Variants in KIF13B observed in about 807,000 individuals in gnomAD.
KIF13B encodes kinesin-like protein KIF13B.
A neutral mutation model predicts 222.0 loss-of-function variants in KIF13B; 127 were observed. That is an observed-to-expected ratio of 0.57 (90% CI 0.50 to 0.66). KIF13B has a LOEUF of 0.66. Ranked by LOEUF, KIF13B falls within the 30% of genes least tolerant of loss-of-function variation. KIF13B has a pLI of 0.00. For missense variants in KIF13B, 2,173 were observed against 2,379.0 expected (o/e 0.91, Z 1.80); for synonymous variants, 976 against 919.0 (o/e 1.06, Z -1.12).
intron 2 of KIF13B, among the ~76,000 whole-genome samples, chr8:29,240,871 C>T (rs972536274): frequency 3.9e-5 from 6 of 152,240 alleles, no homozygotes; most frequent in African/African-American, 9.6e-5. Context: ...GAATGTAAAA[C>T]GGTGCGGCAG....
chr8:29,204,874 T>G (rs1813859374), intron 2 of KIF13B, among the ~76,000 whole-genome samples: 3 of 152,260 alleles, frequency 2.0e-5, no homozygotes, highest in Non-Finnish European at 4.4e-5. Flanking sequence ...ATCCCTATTT[T>G]CCATCGTGTT....
chr8:29,226,588 G>A (rs976088091), intron 2 of KIF13B, among the ~76,000 whole-genome samples: 2 of 152,164 alleles, frequency 1.3e-5, no homozygotes, highest in African/African-American at 4.8e-5. Context: ...CCCAGGAGAG[G>A]TGTCTCTTTA....
At chr8:29,172,320 GATCCGCCTGCCTCGGCCTCCCA>G (rs1166602541) in intron 10 of KIF13B, among the ~76,000 whole-genome samples, 1 of 151,746 alleles carries the variant, frequency 6.6e-6, no homozygotes, top group African/African-American at 2.4e-5. Context: ...CTGACCTGGC[GATCCGCCTGCCTCGGCCTCCCA>G]GAGTGCAGGG....
chr8:29,107,857 G>C (rs1233459584), intron 35 of KIF13B, among the ~76,000 whole-genome samples: 5 of 152,262 alleles, frequency 3.3e-5, no homozygotes, highest in Admixed American at 2.0e-4. Context: ...ACTGCGCCCA[G>C]CCTGAAGTTT....
rs116452692 is a variant in KIF13B at position 29,110,170 on chromosome 8, C to T, written c.3931-100G>A. 413 of 1,038,244 alleles carry T rather than the reference C, an allele frequency of 4.0e-4. 1 individual carries two copies. In the African/African-American group the frequency reaches 5.3e-3, roughly 13 times the overall value. The allele number at this position is 1,038,244 out of a possible 1,614,324, so 64.3% of individuals were successfully genotyped here. A position where few individuals can be genotyped will look rare whatever the true frequency, so the allele number is the denominator to read the frequency against. ...ACACACAGAACGTATTCCAAAATTC[C>T]ATTTTAAAGTCAGCTTTGGAACGCC... On this transcript the variant is annotated intron_variant, in intron 32 of 39. Transcript: ENST00000524189.
At chr8:29,256,721 C>T (rs1190475431) in intron 1 of KIF13B, among the ~76,000 whole-genome samples, 2 of 151,964 alleles carry the variant, frequency 1.3e-5, no homozygotes, top group African/African-American at 4.8e-5. Flanking sequence ...TGAGGTTCTG[C>T]TACATAGAAA....
intron 12 of KIF13B, among the ~76,000 whole-genome samples, chr8:29,165,082 A>C (rs1401496797): frequency 6.6e-6 from 1 of 152,196 alleles, no homozygotes; most frequent in Admixed American, 6.5e-5. Flanking sequence ...TCCTGACCTC[A>C]GGTGATCCAC....
chr8:29,171,014 A>G (rs903380446), intron 10 of KIF13B, among the ~76,000 whole-genome samples: 1 of 152,224 alleles, frequency 6.6e-6, no homozygotes, highest in African/African-American at 2.4e-5. Flanking sequence ...AGATGTTGCA[A>G]CCTAACCATG....
rs536487048 is a variant in KIF13B, at chr8:29,127,758, C to T, written c.3076-490G>A. 4.4e-4 allele frequency among the ~76,000 whole-genome samples: 67 copies of T among 152,254 alleles called. 1 individual carries two copies. Among genetic ancestry groups the T allele is most frequent in the African/African-American group, 1.4e-3 (59 of 41,562 alleles). ...CAATTTGACTTAAAAATATAAGTTC[C>T]TTTAACCCAGCAATTCAACTTTCCA... is the stretch of plus-strand genomic sequence containing the variant. On this transcript the variant is annotated intron_variant, in intron 24 of 39. Transcript: ENST00000524189.
At chr8:29,174,369 A>T (rs1281665118) in intron 10 of KIF13B, among the ~76,000 whole-genome samples, 1 of 152,118 alleles carries the variant, frequency 6.6e-6, no homozygotes, top group East Asian at 1.9e-4. Context: ...AAAAAACTAC[A>T]AAACATTTTT....
Position 29,146,542 on chromosome 8 carries a change from T to TG in KIF13B, c.2025-3_2025-2insC, listed in dbSNP as rs771253179. ...AGGCTGTTATTCAACGTTGCTTCTC[T>TG]AAAAAAAAATAAAGAAGCGGCAGAG... On this transcript the variant is annotated splice_polypyrimidine_tract_variant and splice_region_variant and intron_variant, in intron 17 of 39. Coordinates refer to ENST00000524189, the MANE Select transcript of KIF13B (RefSeq NM_015254.4). 7 of 1,572,220 alleles carry TG rather than the reference T, an allele frequency of 4.5e-6. No homozygotes were observed. Among genetic ancestry groups the TG allele is most frequent in the African/African-American group, 1.4e-5 (1 of 73,276 alleles).
At position 29,228,472 on chromosome 8, in the gene KIF13B, A is replaced by AAAAAAAAAAAATATATAT; in HGVS notation, c.149+16873_149+16874insATATATATTTTTTTTTTT. 2.6e-3 allele frequency among the ~76,000 whole-genome samples: 300 copies of AAAAAAAAAAAATATATAT among 117,066 alleles called. 15 individuals carry two copies. Among genetic ancestry groups the AAAAAAAAAAAATATATAT allele is most frequent in the African/African-American group, 5.7e-3 (174 of 30,714 alleles). The allele number at this position is 117,066 out of a possible 152,430, so 76.8% of individuals were successfully genotyped here. ...ACAGAGCCAGACTCCATCTTAAAAA[A>AAAAAAAAAAAATATATAT]ATATATATATATATATATGAGATAC... On this transcript the variant is annotated intron_variant, in intron 2 of 39. Transcript: ENST00000524189.
chr8:29,250,064 G>C (rs906426356), intron 1 of KIF13B: 2 of 1,288,052 alleles, frequency 1.6e-6, no homozygotes, highest in African/African-American at 1.5e-5. Flanking sequence ...TATTGTATCA[G>C]CTGGCTCCTT....
chr8:29,099,329 TTATA>T, intron 35 of KIF13B, 88 bp from the exon 36 acceptor site: 1 of 846,900 alleles, frequency 1.2e-6, no homozygotes, highest in Non-Finnish European at 1.9e-6. Context: ...AAAAAAACTG[TTATA>T]TATTACTAAA....
chr8:29,105,838 T>C (rs1809041335), intron 35 of KIF13B, among the ~76,000 whole-genome samples: 1 of 151,794 alleles, frequency 6.6e-6, no homozygotes, highest in Admixed American at 6.6e-5. Context: ...TTTGTATTTT[T>C]AGTAGAGACG....
chr8:29,186,216 A>T (rs1377527148), intron 6 of KIF13B, 76 bp downstream of exon 6: 4 of 1,190,918 alleles, frequency 3.4e-6, no homozygotes, highest in Admixed American at 2.2e-5. Context: ...AAAAAATTAA[A>T]AAGATTTGCA....
Position 29,188,504 on chromosome 8 carries a change from T to C in KIF13B, c.316+11A>G, listed in dbSNP as rs751014059. On this transcript the variant is annotated intron_variant, in intron 5 of 39. Coordinates refer to ENST00000524189, the MANE Select transcript of KIF13B (RefSeq NM_015254.4). The stretch of plus-strand genomic sequence containing the variant: ...TGGTTGTTTATGTGATTTCATGTTA[T>C]TTAACATTACCAGTCTGTCCATAGG... 1.3e-6 allele frequency: 2 copies of C among 1,506,864 alleles called. No homozygotes were observed. Among genetic ancestry groups the C allele is most frequent in the Non-Finnish European group, 1.8e-6 (2 of 1,089,654 alleles). The allele number at this position is 1,506,864 out of a possible 1,614,324, so 93.3% of individuals were successfully genotyped here. A position where few individuals can be genotyped will look rare whatever the true frequency, so the allele number is the denominator to read the frequency against.
chr8:29,115,313 G>T (rs1809540904), intron 31 of KIF13B, among the ~76,000 whole-genome samples: 1 of 143,460 alleles, frequency 7.0e-6, no homozygotes, highest in African/African-American at 2.5e-5. Flanking sequence ...TGCAAAACCA[G>T]TAAAAAAAAA....
intron 37 of KIF13B, among the ~76,000 whole-genome samples, chr8:29,076,084 A>C (rs1011847043): frequency 8.5e-5 from 13 of 152,244 alleles, no homozygotes; most frequent in Non-Finnish European, 1.9e-4. Context: ...GACAGAGTTA[A>C]GAATCATCAG....
Sources: gnomAD v4.1 joint callset for allele counts (sites outside exome capture counted in the v4.1 genomes callset) on GRCh38, gnomAD v4.1.1 for gene constraint, MANE v1.5 for transcripts, NCBI Gene and HGNC (gene_info 2026-07-23, HGNC 2026-07-21) for gene names.